Variants in PUM1 observed in about 807,000 individuals in gnomAD.
PUM1 encodes the protein pumilio homolog 1.
In PUM1, 13 loss-of-function variants were observed where a neutral mutation model predicts 131.8. That is an observed-to-expected ratio of 0.10 (90% CI 0.06 to 0.16). The LOEUF is 0.16. Among genes scored for constraint, PUM1 ranks in the 10% least tolerant of loss-of-function variants. The pLI, the probability that PUM1 is intolerant of heterozygous loss-of-function variation, is 1.00. For missense variants in PUM1, 961 were observed against 1,512.4 expected (o/e 0.64, Z 6.05); for synonymous variants, 509 against 556.5 (o/e 0.91, Z 1.20).
At chr1:30,943,657 T>C (rs1006477367) in intron 18 of PUM1, among the ~76,000 whole-genome samples, 1 of 152,226 alleles carries the variant, frequency 6.6e-6, no homozygotes, top group African/African-American at 2.4e-5. Context: ...AAAGGTCTCA[T>C]GGTATACATG....
chr1:31,011,016 G>A (rs762254559), intron 3 of PUM1, among the ~76,000 whole-genome samples: 2 of 152,102 alleles, frequency 1.3e-5, no homozygotes, highest in Non-Finnish European at 2.9e-5. Flanking sequence ...AAATCAGTCC[G>A]GAGTGGTGGC....
rs190586775 is a variant in PUM1, at chr1:31,003,323, G to C, written c.720+2530C>G. Among the ~76,000 whole-genome samples, 3 of 152,266 alleles carry C rather than the reference G, an allele frequency of 2.0e-5. 1 individual carries two copies. Among genetic ancestry groups the C allele is most frequent in the Admixed American group, 2.0e-4 (3 of 15,294 alleles). On this transcript the variant is annotated intron_variant, in intron 5 of 21. Transcript: ENST00000426105. ...AAAAGAAAAGGCTCACTTTCCTCAA[G>C]AAGATGTATGCATACTATGACAAAA...
chr1:30,980,938 C>G (rs1464317036), intron 8 of PUM1, among the ~76,000 whole-genome samples: 1 of 152,174 alleles, frequency 6.6e-6, no homozygotes, highest in African/African-American at 2.4e-5. Flanking sequence ...TGGATTTATA[C>G]TGTTTGTTCA....
intron 3 of PUM1, among the ~76,000 whole-genome samples, chr1:31,017,732 C>G (rs538838666): frequency 7.5e-4 from 114 of 152,138 alleles, no homozygotes; most frequent in African/African-American, 2.7e-3. Context: ...TGGAAACTGG[C>G]CATCAACACA....
chr1:30,974,929 TGCTA>T (rs1641073662), intron 9 of PUM1, 127 bp from the exon 10 acceptor site: 1 of 662,746 alleles, frequency 1.5e-6, no homozygotes, highest in Non-Finnish European at 2.4e-6. Context: ...TATTAATTTA[TGCTA>T]GCTAATCATT....
intron 11 of PUM1, 147 bp downstream of exon 11, chr1:30,968,207 T>C: frequency 9.4e-7 from 1 of 1,065,086 alleles, no homozygotes; most frequent in Non-Finnish European, 1.4e-6. Flanking sequence ...ATAGTCTAAG[T>C]GAGGGCAAGT....
chr1:30,968,350 G>A lies in PUM1; in HGVS notation c.1645+4C>T, dbSNP rs756762964. On this transcript the variant is annotated splice_donor_region_variant and intron_variant, in intron 11 of 21. Coordinates refer to ENST00000426105, the MANE Select transcript of PUM1 (RefSeq NM_001020658.2). ...AAGTATTAGGAATAACAATGCAGCC[G>A]CACCTGGCATGCCTGCTGCCAGACC... 58 of 1,581,992 alleles carry A rather than the reference G, an allele frequency of 3.7e-5. No homozygotes were observed. Among genetic ancestry groups the A allele is most frequent in the Non-Finnish European group, 3.4e-5 (40 of 1,160,658 alleles).
At chr1:30,953,266 A>G (rs1006206237) in intron 15 of PUM1, among the ~76,000 whole-genome samples, 1 of 152,186 alleles carries the variant, frequency 6.6e-6, no homozygotes, top group African/African-American at 2.4e-5. Context: ...TTGTCACCAT[A>G]ATTATGCTCT....
In PUM1 at chr1:30,936,744, T is replaced by C; in HGVS notation, c.3334A>G (p.Ser1112Gly). Residue 1112 changes from serine to glycine, a missense_variant, in exon 21 of 22, where the codon AGT becomes GGT. This residue lies in a region of PUM1 where 178 missense variants were observed against 327.5 expected (regional missense o/e 0.54). Coordinates refer to ENST00000426105, the MANE Select transcript of PUM1 (RefSeq NM_001020658.2). ...TCCTTCATCATGGTGTATAAGGCACTGTGGGGACCGTCGTTCATGGTGCAC... is the reference window on the plus strand; with the variant it reads ...TCCTTCATCATGGTGTATAAGGCACCGTGGGGACCGTCGTTCATGGTGCAC... ...EVCTMNDGPH[S>G]ALYTMMKDQY... 1 of 1,614,068 alleles carries C rather than the reference T, an allele frequency of 6.2e-7. No homozygotes were observed. Among genetic ancestry groups the C allele is most frequent in the South Asian group, 1.1e-5 (1 of 91,072 alleles).
chr1:31,044,173 A>G (rs6668198), intron 2 of PUM1, among the ~76,000 whole-genome samples: 104,902 of 151,964 alleles, frequency 0.69, 37,614 homozygotes, highest in East Asian at 0.87. Flanking sequence ...AGGCCGAGGC[A>G]GGTGGATCAC....
chr1:30,973,780 A>G (rs971812262), intron 10 of PUM1, among the ~76,000 whole-genome samples: 5 of 152,084 alleles, frequency 3.3e-5, no homozygotes, highest in Non-Finnish European at 7.4e-5. Context: ...CTAGTTTACC[A>G]CAGTTTCTAT....
At chr1:31,031,128 G>C (rs1347977137) in intron 2 of PUM1, among the ~76,000 whole-genome samples, 1 of 147,956 alleles carries the variant, frequency 6.8e-6, no homozygotes, top group Non-Finnish European at 1.5e-5. Flanking sequence ...TAGGGAGGAT[G>C]AAGACAGGAT....
chr1:31,057,724 CAAAAAAAAAA>C (rs58490041), intron 2 of PUM1, among the ~76,000 whole-genome samples: 6 of 72,484 alleles, frequency 8.3e-5, no homozygotes, highest in African/African-American at 3.0e-4. Flanking sequence ...GACTCCATCT[CAAAAAAAAAA>C]AAAAAAAAAA....
At chr1:31,013,201 C>G (rs996987016) in intron 3 of PUM1, among the ~76,000 whole-genome samples, 1 of 152,170 alleles carries the variant, frequency 6.6e-6, no homozygotes, top group African/African-American at 2.4e-5. Flanking sequence ...AACAACACTA[C>G]AAGAACCATG....
intron 8 of PUM1, among the ~76,000 whole-genome samples, chr1:30,980,443 A>G (rs74063604): frequency 0.021 from 3,157 of 152,342 alleles, 123 homozygotes; most frequent in African/African-American, 0.071. Context: ...AAGATTATTA[A>G]AATTGTAACA....
At position 31,065,616 on chromosome 1, in the gene PUM1, G is replaced by T. The variant is rs1023736812; in HGVS notation, c.-12C>A. ...GGGCCGGTGGGGTGCGGATACTCAC[G>T]GGCGGAGCGGTAGGATGAAGATGGA... On this transcript the variant is annotated splice_region_variant and 5_prime_UTR_variant, in exon 1 of 22. Coordinates refer to ENST00000426105, the MANE Select transcript of PUM1 (RefSeq NM_001020658.2). The T allele has an allele frequency of 3.2e-6, 5 of 1,546,744 alleles. No individual in the cohort carries two copies. The South Asian group carries it at 3.6e-5, about 11-fold the overall frequency.
Position 30,985,119 on chromosome 1 carries a change from TCTC to T in PUM1, c.1159-3717_1159-3715del, listed in dbSNP as rs1641498862. On this transcript the variant is annotated intron_variant, in intron 7 of 21. Transcript: ENST00000426105. ...TTAATCTCTCTGTGCCTCATTCTCT[TCTC>T]CTCTTTAATATGACAATAAAGATAA... Among the ~76,000 whole-genome samples the T allele has an allele frequency of 2.6e-5, 4 of 152,290 alleles. No homozygotes were observed. In the South Asian group the frequency reaches 6.2e-4, roughly 24 times the overall value.
chr1:30,966,060 T>C lies in PUM1; in HGVS notation c.2008A>G (p.Asn670Asp), dbSNP rs1640608433. ...CTACTTCCGAATCCCAAGGATGTGT[T>C]GGCAGGCTGGGCAGAGCCCTGGGAG... ...LFSQGSAQPA[N>D]TSLGFGSSSS... Residue 670 changes from asparagine to aspartate, a missense_variant, in exon 13 of 22, where the codon AAC (asparagine) becomes GAC (aspartate). Transcript: ENST00000426105. 6.2e-7 allele frequency: 1 copy of C among 1,614,174 alleles called. No individual in the cohort carries two copies. Among genetic ancestry groups the C allele is most frequent in the Non-Finnish European group, 8.5e-7 (1 of 1,180,016 alleles).
chr1:30,992,519 C>A lies in PUM1; in HGVS notation c.1029G>T (p.Gln343His). ...PVEDFSNMESQSVPLDPMEHV... is the reference protein window; with the variant it reads ...PVEDFSNMESHSVPLDPMEHV... ...GTTCCATGGGGTCCAAGGGGACACT[C>A]TGGGACTCCATGTTGGAGAAATCCT... The change falls in exon 7 of 22, where the codon CAG (glutamine) becomes CAT (histidine). Residue 343 changes from glutamine to histidine, a missense_variant. Coordinates refer to ENST00000426105, the MANE Select transcript of PUM1 (RefSeq NM_001020658.2). The A allele has an allele frequency of 6.2e-7, 1 of 1,614,236 alleles. No homozygotes were observed. Among genetic ancestry groups the A allele is most frequent in the African/African-American group, 1.3e-5 (1 of 75,054 alleles).
Sources: allele counts gnomAD v4.1 joint callset (sites outside exome capture counted in the v4.1 genomes callset), GRCh38; gene constraint gnomAD v4.1.1; regional missense constraint gnomAD v4.1.1; transcripts MANE v1.5; gene names NCBI Gene and HGNC (gene_info 2026-07-23, HGNC 2026-07-21).